CADM2: variants seen among roughly 807,000 people sequenced by gnomAD.
CADM2 encodes the protein immunoglobulin superfamily member 4D.
A neutral mutation model predicts 49.8 loss-of-function variants in CADM2; 12 were observed. The observed-to-expected ratio is 0.24, with a 90% CI of 0.15 to 0.39. The LOEUF (loss-of-function observed/expected upper bound fraction) is 0.39, where lower values mean the gene tolerates loss of function less well. Among genes scored for constraint, CADM2 ranks in the 10% least tolerant of loss-of-function variants. The pLI is 1.00. For missense variants in CADM2, 378 were observed against 492.3 expected (o/e 0.77, Z 2.20); for synonymous variants, 214 against 175.4 (o/e 1.22, Z -1.74).
chr3:85,135,986 G>A (rs1335536309), intron 1 of CADM2, among the ~76,000 whole-genome samples: 6 of 151,870 alleles, frequency 4.0e-5, no homozygotes, highest in South Asian at 4.1e-4. Context: ...TACAAATCTC[G>A]CTTGAATATG....
intron 1 of CADM2, among the ~76,000 whole-genome samples, chr3:85,455,373 A>C (rs1449556846): frequency 6.6e-6 from 1 of 152,228 alleles, no homozygotes; most frequent in South Asian, 2.1e-4. Flanking sequence ...ATTAAGTGAC[A>C]AAAACAGGTT....
chr3:85,234,988 A>T (rs2042378715), intron 1 of CADM2, among the ~76,000 whole-genome samples: 2 of 151,184 alleles, frequency 1.3e-5, no homozygotes, highest in South Asian at 4.2e-4. Flanking sequence ...TTGTGTCTCA[A>T]ACCTCAGTCC....
chr3:85,045,498 T>G (rs970731628), intron 1 of CADM2, among the ~76,000 whole-genome samples: 1 of 152,162 alleles, frequency 6.6e-6, no homozygotes, highest in Non-Finnish European at 1.5e-5. Flanking sequence ...GGAAAAATTA[T>G]TAGAAATGGT....
chr3:85,487,295 C>G (rs1286797347), intron 1 of CADM2, among the ~76,000 whole-genome samples: 1 of 152,152 alleles, frequency 6.6e-6, no homozygotes, highest in Non-Finnish European at 1.5e-5. Flanking sequence ...GGGAGGGTGG[C>G]TTGAAGCCAG....
intron 1 of CADM2, among the ~76,000 whole-genome samples, chr3:85,266,923 CTAAT>C (rs1038118279): frequency 2.0e-4 from 30 of 151,902 alleles, no homozygotes; most frequent in African/African-American, 7.0e-4. Flanking sequence ...CAGCAGTACT[CTAAT>C]TATGTTGAGA....
At chr3:86,062,368 C>T (rs904456311) in intron 8 of CADM2, among the ~76,000 whole-genome samples, 1 of 151,986 alleles carries the variant, frequency 6.6e-6, no homozygotes, top group Non-Finnish European at 1.5e-5. Context: ...TAGGGAAATA[C>T]AAGAAATAGA....
At position 85,317,328 on chromosome 3, in the gene CADM2, T is replaced by G. The variant is rs543703114; in HGVS notation, c.61+357660T>G. 1.8e-3 allele frequency among the ~76,000 whole-genome samples: 269 copies of G among 152,222 alleles called. 1 individual carries two copies. Among genetic ancestry groups the G allele is most frequent in the South Asian group, 8.1e-3 (39 of 4,826 alleles). ...TCCCTAGGGACCTGACAGATATATT[T>G]TGTGAAGAAATGCCATGACCCTATT... On this transcript the variant is annotated intron_variant, in intron 1 of 9. Transcript: ENST00000383699.
intron 2 of CADM2, among the ~76,000 whole-genome samples, chr3:85,733,692 G>A (rs2068023796): frequency 6.6e-6 from 1 of 152,128 alleles, no homozygotes; most frequent in African/African-American, 2.4e-5. Context: ...GCTCAATTTT[G>A]TATAGCAATT....
intron 1 of CADM2, among the ~76,000 whole-genome samples, chr3:85,018,481 G>C (rs2034346456): frequency 6.6e-6 from 1 of 152,074 alleles, no homozygotes; most frequent in Non-Finnish European, 1.5e-5. Flanking sequence ...GGGTTCAAGC[G>C]ATTCTCATGC....
intron 1 of CADM2, among the ~76,000 whole-genome samples, chr3:85,219,529 ATCT>A (rs923409261): frequency 6.6e-6 from 1 of 152,300 alleles, no homozygotes; most frequent in Non-Finnish European, 1.5e-5. Flanking sequence ...AAACCCTGGT[ATCT>A]TCTTTCAACA....
At chr3:85,506,092 G>C (rs188463531) in intron 1 of CADM2, among the ~76,000 whole-genome samples, 18 of 152,174 alleles carry the variant, frequency 1.2e-4, no homozygotes, top group South Asian at 1.0e-3. Flanking sequence ...TCAGCACCAG[G>C]GTGTACAGAG....
chr3:85,543,044 C>A (rs2061580561), intron 1 of CADM2, among the ~76,000 whole-genome samples: 1 of 152,040 alleles, frequency 6.6e-6, no homozygotes, highest in African/African-American at 2.4e-5. Flanking sequence ...GGTAGAAAAT[C>A]TAGAGAAATC....
At chr3:85,431,039 G>A in intron 1 of CADM2, among the ~76,000 whole-genome samples, 1 of 152,094 alleles carries the variant, frequency 6.6e-6, no homozygotes, top group Non-Finnish European at 1.5e-5. Flanking sequence ...ATATACAACA[G>A]TGGTCTCATA....
chr3:85,994,620 T>C (rs1729147133), intron 8 of CADM2: 1 of 152,160 alleles, frequency 6.6e-6, no homozygotes, highest in Admixed American at 6.5e-5. Context: ...TGATTCAAAG[T>C]TAGAAATGTG....
At chr3:86,023,645 G>A (rs1441144823) in intron 8 of CADM2, among the ~76,000 whole-genome samples, 2 of 152,020 alleles carry the variant, frequency 1.3e-5, no homozygotes, top group South Asian at 2.1e-4. Flanking sequence ...GGTGTGAGCC[G>A]CCACACCCAG....
At chr3:85,059,771 G>A (rs1043378429) in intron 1 of CADM2, among the ~76,000 whole-genome samples, 6 of 152,134 alleles carry the variant, frequency 3.9e-5, no homozygotes, top group African/African-American at 1.2e-4. Context: ...TGCCACAATT[G>A]TGAGGTCTCC....
intron 1 of CADM2, among the ~76,000 whole-genome samples, chr3:85,269,033 A>G (rs959621982): frequency 6.6e-6 from 1 of 151,400 alleles, no homozygotes; most frequent in Non-Finnish European, 1.5e-5. Context: ...CTAGTGCAGG[A>G]CCTCAACCTT....
chr3:85,099,973 T>G (rs1002745649), intron 1 of CADM2, among the ~76,000 whole-genome samples: 12 of 150,540 alleles, frequency 8.0e-5, no homozygotes, highest in East Asian at 1.9e-4. Flanking sequence ...TTCCATACTG[T>G]TTTTTTTTCC....
intron 6 of CADM2, among the ~76,000 whole-genome samples, chr3:85,934,639 A>C (rs1720978745): frequency 6.6e-6 from 1 of 152,110 alleles, no homozygotes; most frequent in South Asian, 2.1e-4. Context: ...TTAAAGTATG[A>C]TATAAACTAT....
Sources: gnomAD v4.1 joint callset for allele counts (sites outside exome capture counted in the v4.1 genomes callset) on GRCh38, gnomAD v4.1.1 for gene constraint, MANE v1.5 for transcripts, NCBI Gene and HGNC (gene_info 2026-07-23, HGNC 2026-07-21) for gene names.